Variants in TMEM132D observed in about 807,000 individuals in gnomAD.
TMEM132D encodes the protein mature OL transmembrane protein.
A neutral mutation model predicts 62.3 loss-of-function variants in TMEM132D; 21 were observed. That is an observed-to-expected ratio of 0.34 (90% confidence interval 0.24 to 0.49). TMEM132D has a LOEUF of 0.49. TMEM132D is among the 20% of genes least tolerant of loss of function. TMEM132D has a pLI of 0.99. For synonymous variants in TMEM132D, 621 were observed against 575.6 expected, an observed-to-expected ratio of 1.08 and a Z score of -1.13; for missense variants, 1,346 against 1,402.8, an observed-to-expected ratio of 0.96 and a Z score of 0.65.
At chr12:129,496,123 A>C (rs1419495240) in intron 3 of TMEM132D, among the ~76,000 whole-genome samples, 1 of 152,168 alleles carries the variant, frequency 6.6e-6, no homozygotes, top group African/African-American at 2.4e-5. Flanking sequence ...GGAGTACCGG[A>C]TGTAACATTA....
intron 4 of TMEM132D, among the ~76,000 whole-genome samples, chr12:129,270,042 G>A (rs1398067499): frequency 1.3e-5 from 2 of 152,292 alleles, no homozygotes; most frequent in African/African-American, 4.8e-5. Context: ...GCAGGCCGAG[G>A]ACGAAGGGGT....
intron 3 of TMEM132D, among the ~76,000 whole-genome samples, chr12:129,476,676 C>T (rs1473004708): frequency 6.6e-6 from 1 of 152,094 alleles, no homozygotes; most frequent in Non-Finnish European, 1.5e-5. Context: ...TTCTCCACCT[C>T]GACATTCTGG....
At chr12:129,854,016 G>C (rs957990510) in intron 1 of TMEM132D, among the ~76,000 whole-genome samples, 38 of 152,106 alleles carry the variant, frequency 2.5e-4, no homozygotes, top group African/African-American at 8.2e-4. Context: ...AGCCACCTTG[G>C]GGGGATGGGC....
chr12:129,797,153 C>G (rs1871587715), intron 1 of TMEM132D, among the ~76,000 whole-genome samples: 1 of 152,180 alleles, frequency 6.6e-6, no homozygotes, highest in African/African-American at 2.4e-5. Context: ...TTCCCCACAG[C>G]CCAGGCATCG....
At chr12:129,220,094 G>C (rs1038139806) in intron 4 of TMEM132D, among the ~76,000 whole-genome samples, 1 of 152,098 alleles carries the variant, frequency 6.6e-6, no homozygotes, top group Non-Finnish European at 1.5e-5. Context: ...AGGGATGTTA[G>C]TTGCAGACAA....
At chr12:129,255,872 T>C (rs985309334) in intron 4 of TMEM132D, among the ~76,000 whole-genome samples, 41 of 152,320 alleles carry the variant, frequency 2.7e-4, no homozygotes, top group Admixed American at 1.8e-3. Context: ...TTGACTATCA[T>C]TGAGGTAAAC....
chr12:129,645,696 G>T (rs1396993695), intron 2 of TMEM132D, among the ~76,000 whole-genome samples: 1 of 152,150 alleles, frequency 6.6e-6, no homozygotes, highest in South Asian at 2.1e-4. Context: ...CCAAGACCCA[G>T]TCAGAAGACC....
At chr12:129,584,137 G>C (rs1877952187) in intron 2 of TMEM132D, among the ~76,000 whole-genome samples, 1 of 151,960 alleles carries the variant, frequency 6.6e-6, no homozygotes, top group Admixed American at 6.6e-5. Context: ...GCTTTTGATT[G>C]CTATAGTTTT....
chr12:129,313,730 G>A (rs1033980610), intron 4 of TMEM132D, among the ~76,000 whole-genome samples: 3 of 152,144 alleles, frequency 2.0e-5, no homozygotes, highest in African/African-American at 7.2e-5. Flanking sequence ...ATACCCAGTA[G>A]TGGGATTGCT....
intron 4 of TMEM132D, among the ~76,000 whole-genome samples, chr12:129,271,272 T>A (rs1344838237): frequency 1.3e-5 from 2 of 152,054 alleles, no homozygotes; most frequent in African/African-American, 4.8e-5. Context: ...AGATCATTAG[T>A]CTCAGCTTCG....
intron 1 of TMEM132D, among the ~76,000 whole-genome samples, chr12:129,896,359 A>G (rs1875131495): frequency 6.6e-6 from 1 of 152,150 alleles, no homozygotes; most frequent in African/African-American, 2.4e-5. Flanking sequence ...TGCACGAGAA[A>G]GGAGAGGCCA....
chr12:129,312,683 G>A (rs1445015587), intron 4 of TMEM132D, among the ~76,000 whole-genome samples: 2 of 152,100 alleles, frequency 1.3e-5, no homozygotes, highest in Admixed American at 6.5e-5. Flanking sequence ...CATTCTCCCT[G>A]CATCAGCCTC....
intron 2 of TMEM132D, among the ~76,000 whole-genome samples, chr12:129,686,825 A>T (rs1482115770): frequency 6.6e-6 from 1 of 152,194 alleles, no homozygotes; most frequent in Admixed American, 6.5e-5. Context: ...TAAATACTTG[A>T]AGATGAGGGT....
Position 129,073,177 on chromosome 12 carries a change from T to C in TMEM132D, c.*698A>G, listed in dbSNP as rs1406787508. 1 of 152,236 alleles carries C rather than the reference T, an allele frequency of 6.6e-6. No homozygotes were observed. Among genetic ancestry groups the C allele is most frequent in the South Asian group, 2.1e-4 (1 of 4,824 alleles). 9.4% of individuals were successfully genotyped at this position (152,236 alleles called of 1,614,324 possible). On this transcript the variant is annotated 3_prime_UTR_variant, in exon 9 of 9. Transcript: ENST00000422113. ...TATCCTTAGTTTACAAATAAAGAAG[T>C]ACCCTGAAGGGCTCAGAGGATTTGC...
intron 3 of TMEM132D, among the ~76,000 whole-genome samples, chr12:129,341,261 A>G (rs942895176): frequency 9.2e-5 from 14 of 152,234 alleles, no homozygotes; most frequent in African/African-American, 3.1e-4. Flanking sequence ...TTTTGTGCTT[A>G]CAATAGAGTG....
chr12:129,575,627 G>A (rs4759972), intron 2 of TMEM132D, among the ~76,000 whole-genome samples: 16,494 of 151,792 alleles, frequency 0.11, 1,405 homozygotes, highest in East Asian at 0.47. Flanking sequence ...GGAGAAACGC[G>A]GGCCTAGTGG....
chr12:129,181,436 CAG>C (rs1878061177), intron 5 of TMEM132D, among the ~76,000 whole-genome samples: 1 of 152,344 alleles, frequency 6.6e-6, no homozygotes, highest in South Asian at 2.1e-4. Flanking sequence ...CCTCCAACAG[CAG>C]AGAGACTTTT....
At chr12:129,140,462 T>C (rs1229428038) in intron 5 of TMEM132D, among the ~76,000 whole-genome samples, 1 of 152,148 alleles carries the variant, frequency 6.6e-6, no homozygotes, top group Non-Finnish European at 1.5e-5. Flanking sequence ...GTCATGGTAG[T>C]TTTATTCTTT....
chr12:129,171,170 T>G lies in TMEM132D; in HGVS notation c.1443+38350A>C, dbSNP rs553328691. Reference sequence around the variant, plus strand: ...GACCTTTGTTGTCATTTCAACGACGTTCACAGTATCTTCCCCAGGAGTAGA... The same window carrying G: ...GACCTTTGTTGTCATTTCAACGACGGTCACAGTATCTTCCCCAGGAGTAGA... On this transcript the variant is annotated intron_variant, in intron 5 of 8. Transcript: ENST00000422113. Among the ~76,000 whole-genome samples the G allele has an allele frequency of 2.6e-5, 4 of 152,362 alleles. No homozygotes were observed. In the South Asian group the frequency reaches 8.3e-4, roughly 32 times the overall value.
Sources: allele counts gnomAD v4.1 joint callset (sites outside exome capture counted in the v4.1 genomes callset), GRCh38; gene constraint gnomAD v4.1.1; transcripts MANE v1.5; gene names NCBI Gene and HGNC (gene_info 2026-07-23, HGNC 2026-07-21).